Variants in MRTFA observed in about 807,000 individuals in gnomAD.
MRTFA encodes myocardin-related transcription factor A.
In MRTFA, 20 loss-of-function variants were observed where a neutral mutation model predicts 83.5. That is an observed-to-expected ratio of 0.24 (90% confidence interval 0.17 to 0.35). MRTFA has a LOEUF of 0.35. Ranked by LOEUF, MRTFA falls within the 10% of genes least tolerant of loss-of-function variation. The probability of loss-of-function intolerance (pLI) is 1.00; values close to 1 mark genes in which losing one functional copy is unlikely to be tolerated. For missense variants in MRTFA, 1,200 were observed against 1,224.7 expected, an observed-to-expected ratio of 0.98 and a Z score of 0.30; for synonymous variants, 659 against 541.2, an observed-to-expected ratio of 1.22 and a Z score of -3.02.
chr22:40,413,425 C>T (rs534230481), intron 14 of MRTFA, among the ~76,000 whole-genome samples: 1 of 151,638 alleles, frequency 6.6e-6, no homozygotes, highest in East Asian at 2.0e-4. Context: ...CTGCAACCTC[C>T]GCCTCCCGTT....
chr22:40,463,420 A>T, intron 3 of MRTFA, 134 bp from the exon 4 acceptor site: 2 of 691,620 alleles, frequency 2.9e-6, no homozygotes. Flanking sequence ...TTGAAGTGCA[A>T]CTGTCTGTAA....
intron 3 of MRTFA, among the ~76,000 whole-genome samples, chr22:40,530,576 C>T (rs1340189371): frequency 1.3e-5 from 2 of 152,258 alleles, no homozygotes; most frequent in African/African-American, 2.4e-5. Flanking sequence ...GGATTACAGG[C>T]GTGCGCCACC....
intron 3 of MRTFA, among the ~76,000 whole-genome samples, chr22:40,470,283 A>AG: frequency 7.8e-6 from 1 of 127,734 alleles, no homozygotes; most frequent in Admixed American, 8.1e-5. Context: ...ATATATATAA[A>AG]GAAACATAAT....
At chr22:40,525,406 G>A (rs1191580772) in intron 3 of MRTFA, among the ~76,000 whole-genome samples, 1 of 151,960 alleles carries the variant, frequency 6.6e-6, no homozygotes, top group Non-Finnish European at 1.5e-5. Flanking sequence ...GGAAGCTGTC[G>A]GGGAGGTTTG....
intron 3 of MRTFA, among the ~76,000 whole-genome samples, chr22:40,481,758 A>C (rs2147185920): frequency 6.6e-6 from 1 of 152,260 alleles, no homozygotes; most frequent in South Asian, 2.1e-4. Context: ...AGAAAACTAA[A>C]ATAGAAGAAA....
chr22:40,617,649 C>A (rs1602500542), intron 1 of MRTFA, among the ~76,000 whole-genome samples: 1 of 151,352 alleles, frequency 6.6e-6, no homozygotes, highest in African/African-American at 2.4e-5. Context: ...ATGGCATGAA[C>A]CCGGGAGGCG....
At position 40,531,887 on chromosome 22, in the gene MRTFA, T is replaced by C. The variant is rs574932596; in HGVS notation, c.241+20219A>G. 1.6e-3 allele frequency among the ~76,000 whole-genome samples: 245 copies of C among 152,346 alleles called. 1 individual carries two copies. The highest frequency in any genetic ancestry group is 5.5e-3 in the African/African-American group (229 of 41,586). On this transcript the variant is annotated intron_variant, in intron 3 of 14. Coordinates refer to ENST00000355630, the MANE Select transcript of MRTFA (RefSeq NM_020831.6). Reference sequence around the variant, plus strand: ...CACATTGTTAATGTTTTTGATCATATAGGAGACAGGTACTGGAGATATCAG... The same window carrying C: ...CACATTGTTAATGTTTTTGATCATACAGGAGACAGGTACTGGAGATATCAG...
intron 3 of MRTFA, among the ~76,000 whole-genome samples, chr22:40,494,191 GAAATAA>G (rs1207251653): frequency 1.3e-5 from 2 of 151,986 alleles, no homozygotes; most frequent in Non-Finnish European, 2.9e-5. Flanking sequence ...TATTGTCTCT[GAAATAA>G]AAATAAACTC....
At position 40,528,686 on chromosome 22, in the gene MRTFA, G is replaced by A. The variant is rs1249372372; in HGVS notation, c.241+23420C>T. ...CGGGAGGTGGAGGCTGCGGTGAGCC[G>A]AGATCGTGCTATTGCACTCCAGACT... On this transcript the variant is annotated intron_variant, in intron 3 of 14. Coordinates refer to ENST00000355630, the MANE Select transcript of MRTFA (RefSeq NM_020831.6). Among the ~76,000 whole-genome samples the A allele has an allele frequency of 4.0e-5, 6 of 149,530 alleles. 1 individual carries two copies. The South Asian group carries it at 6.3e-4, about 16-fold the overall frequency.
chr22:40,591,799 T>C (rs1358559149), intron 2 of MRTFA, among the ~76,000 whole-genome samples: 1 of 152,204 alleles, frequency 6.6e-6, no homozygotes, highest in East Asian at 1.9e-4. Context: ...AGAGGAAAAG[T>C]ACAGTAATTC....
chr22:40,480,854 T>A (rs1287518880), intron 3 of MRTFA, among the ~76,000 whole-genome samples: 2 of 151,120 alleles, frequency 1.3e-5, no homozygotes, highest in African/African-American at 4.9e-5. Context: ...GTTCAAGCGA[T>A]TCTCCTTCCT....
chr22:40,417,528 G>C, intron 12 of MRTFA, 35 bp from the exon 13 acceptor site: 2 of 1,363,562 alleles, frequency 1.5e-6, no homozygotes, highest in Non-Finnish European at 1.9e-6. Context: ...CCAGTGGCCA[G>C]GGGGCTGGGG....
Position 40,463,571 on chromosome 22 carries a change from G to A in MRTFA, c.242-285C>T, listed in dbSNP as rs189674776. Reference sequence around the variant, plus strand: ...TTGCTCAAAACCTCCAAAACACTGAGTCCTCCTCCTAAAACTTTTTTAAAA... The same window carrying A: ...TTGCTCAAAACCTCCAAAACACTGAATCCTCCTCCTAAAACTTTTTTAAAA... On this transcript the variant is annotated intron_variant, in intron 3 of 14. Transcript: ENST00000355630. The A allele has an allele frequency of 3.4e-4, 118 of 344,144 alleles. 1 individual carries two copies. The highest frequency in any genetic ancestry group is 2.4e-3 in the African/African-American group (115 of 47,774). 21.3% of individuals were successfully genotyped at this position (344,144 alleles called of 1,614,324 possible).
chr22:40,448,127 C>T (rs1396418876), intron 4 of MRTFA, among the ~76,000 whole-genome samples: 2 of 152,076 alleles, frequency 1.3e-5, no homozygotes, highest in Non-Finnish European at 2.9e-5. Context: ...CTGGCCAACA[C>T]GGTGAAACCC....
intron 1 of MRTFA, among the ~76,000 whole-genome samples, chr22:40,614,607 C>A (rs1347771080): frequency 6.6e-6 from 1 of 152,150 alleles, no homozygotes; most frequent in African/African-American, 2.4e-5. Flanking sequence ...CCTGCCTCAG[C>A]CTCCCAAGTA....
At chr22:40,439,043 T>C (rs952610228) in intron 4 of MRTFA, among the ~76,000 whole-genome samples, 8 of 152,196 alleles carry the variant, frequency 5.3e-5, no homozygotes, top group Non-Finnish European at 1.2e-4. Flanking sequence ...TCCCATTTTA[T>C]AGATAAGGAC....
chr22:40,472,091 C>T (rs1164867273), intron 3 of MRTFA, among the ~76,000 whole-genome samples: 6 of 152,126 alleles, frequency 3.9e-5, no homozygotes, highest in African/African-American at 7.2e-5. Context: ...AGGACTGGAA[C>T]CAAATATTCT....
At chr22:40,423,236 T>G (rs1275606231) in intron 9 of MRTFA, among the ~76,000 whole-genome samples, 1 of 152,212 alleles carries the variant, frequency 6.6e-6, no homozygotes, top group Non-Finnish European at 1.5e-5. Flanking sequence ...GGGCTCTATT[T>G]CTGCCTTGCG....
intron 1 of MRTFA, among the ~76,000 whole-genome samples, chr22:40,626,866 A>AACACACACACACACACACACACACAC (rs141945541): frequency 2.1e-5 from 3 of 145,128 alleles, no homozygotes; most frequent in African/African-American, 7.7e-5. Context: ...CCCTGTCTCA[A>AACACACACACACACACACACACACAC]ACACACACAC....
Sources: gnomAD v4.1 joint callset for allele counts (sites outside exome capture counted in the v4.1 genomes callset) on GRCh38, gnomAD v4.1.1 for gene constraint, MANE v1.5 for transcripts, NCBI Gene and HGNC (gene_info 2026-07-23, HGNC 2026-07-21) for gene names.